Variants in DLC1 observed in about 807,000 individuals in gnomAD.
DLC1 encodes rho GTPase-activating protein 7.
Under a neutral mutation model 140.3 loss-of-function variants are expected in DLC1, and 54 were observed. That is an observed-to-expected ratio of 0.38 (90% confidence interval 0.31 to 0.48). The LOEUF is 0.48. DLC1 is among the 20% of genes least tolerant of loss of function. DLC1 has a pLI of 0.96. For synonymous variants in DLC1, 986 were observed against 728.1 expected, an observed-to-expected ratio of 1.35 and a Z score of -5.70; for missense variants, 2,536 against 1,907.0, an observed-to-expected ratio of 1.33 and a Z score of -6.14.
At chr8:13,544,138 A>G (rs905687311) in intron 1 of DLC1, among the ~76,000 whole-genome samples, 1 of 152,018 alleles carries the variant, frequency 6.6e-6, no homozygotes, top group Non-Finnish European at 1.5e-5. Flanking sequence ...TAAACAATGC[A>G]CATAAAATAA....
chr8:13,329,440 A>T (rs1406345), intron 4 of DLC1, among the ~76,000 whole-genome samples: 3 of 151,896 alleles, frequency 2.0e-5, no homozygotes, highest in Non-Finnish European at 2.9e-5. Flanking sequence ...AATGGAATCT[A>T]GTCATCCCCA....
intron 1 of DLC1, among the ~76,000 whole-genome samples, chr8:13,547,175 A>G (rs954508793): frequency 6.6e-6 from 1 of 152,116 alleles, no homozygotes. Flanking sequence ...TTGGGAAACA[A>G]TAGTATTTTC....
chr8:13,383,718 G>A (rs1836377277), intron 4 of DLC1, among the ~76,000 whole-genome samples: 1 of 152,148 alleles, frequency 6.6e-6, no homozygotes, highest in South Asian at 2.1e-4. Context: ...TTGCATCGGT[G>A]GAAGTCAGGT....
chr8:13,531,481 G>T (rs1286232045), intron 1 of DLC1, among the ~76,000 whole-genome samples: 7 of 152,116 alleles, frequency 4.6e-5, no homozygotes, highest in Admixed American at 4.6e-4. Context: ...AGTTACTCAG[G>T]TGGCTGAGGC....
chr8:13,415,560 C>A (rs983901044), intron 2 of DLC1, among the ~76,000 whole-genome samples: 7 of 151,906 alleles, frequency 4.6e-5, no homozygotes, highest in African/African-American at 1.5e-4. Flanking sequence ...CCACCACACC[C>A]GGCTAGTTTT....
chr8:13,414,970 C>T (rs1837981071), intron 2 of DLC1, among the ~76,000 whole-genome samples: 5 of 152,040 alleles, frequency 3.3e-5, no homozygotes, highest in Admixed American at 3.3e-4. Flanking sequence ...GCCACCATGC[C>T]TGGCTAATTT....
At position 13,204,058 on chromosome 8, in the gene DLC1, G is replaced by A. The variant is rs150031488; in HGVS notation, c.1349-88401C>T. On this transcript the variant is annotated intron_variant, in intron 5 of 17. Transcript: ENST00000276297. Reference sequence around the variant, plus strand: ...CTCACGGTGTGTGTTGTTGGGGTCGGAGGTGACTTTGAAGAAAGTCTTGAA... The same window carrying A: ...CTCACGGTGTGTGTTGTTGGGGTCGAAGGTGACTTTGAAGAAAGTCTTGAA... 1.8e-3 allele frequency among the ~76,000 whole-genome samples: 267 copies of A among 152,240 alleles called. 1 individual carries two copies. The highest frequency in any genetic ancestry group is 5.9e-3 in the African/African-American group (247 of 41,544).
chr8:13,403,867 C>T (rs1041417192), intron 2 of DLC1, among the ~76,000 whole-genome samples: 5 of 148,150 alleles, frequency 3.4e-5, no homozygotes, highest in African/African-American at 1.3e-4. Flanking sequence ...CCATGTTGCC[C>T]AGGCTGGTCT....
intron 6 of DLC1, among the ~76,000 whole-genome samples, chr8:13,115,326 A>G (rs956398795): frequency 6.6e-6 from 1 of 152,212 alleles, no homozygotes; most frequent in African/African-American, 2.4e-5. Flanking sequence ...ACAAAAAGAA[A>G]GCAAGAAAAT....
intron 1 of DLC1, among the ~76,000 whole-genome samples, chr8:13,570,230 C>T (rs1030679947): frequency 6.6e-6 from 1 of 152,050 alleles, no homozygotes; most frequent in East Asian, 1.9e-4. Flanking sequence ...CTCTACATTA[C>T]TTCCCTGAGC....
At chr8:13,320,459 A>T in intron 4 of DLC1, among the ~76,000 whole-genome samples, 1 of 152,208 alleles carries the variant, frequency 6.6e-6, no homozygotes, top group Non-Finnish European at 1.5e-5. Context: ...AAAAATAAAA[A>T]CATGAAAACA....
In DLC1 at chr8:13,099,969, C is replaced by A; in HGVS notation, c.2368G>T (p.Val790Leu). 2 of 1,612,690 alleles carry A rather than the reference C, an allele frequency of 1.2e-6. No individual in the cohort carries two copies. The highest frequency in any genetic ancestry group is 8.5e-7 in the Non-Finnish European group (1 of 1,180,028). Residue 790 changes from valine to leucine, a missense_variant, in exon 9 of 18, where the codon GTG becomes TTG. Val to Leu is a conservative substitution (Grantham distance 32). Transcript: ENST00000276297. ...CGGTTCTTAAAGTTCTGCTCCACCA[C>A]GTTGTTAAATGTTGACTGATTGAAA... Reference protein sequence around the residue: ...DPFNQSTFNNVVEQNFKNRES... With the variant: ...DPFNQSTFNNLVEQNFKNRES...
At chr8:13,501,727 G>C (rs921760579) in intron 1 of DLC1, among the ~76,000 whole-genome samples, 1 of 152,142 alleles carries the variant, frequency 6.6e-6, no homozygotes, top group Non-Finnish European at 1.5e-5. Flanking sequence ...GGTTCCCTCA[G>C]AGGTCTGTGG....
intron 2 of DLC1, among the ~76,000 whole-genome samples, chr8:13,488,418 C>T (rs900103929): frequency 1.2e-4 from 19 of 152,228 alleles, no homozygotes; most frequent in Admixed American, 2.0e-4. Flanking sequence ...TTTCAGGACT[C>T]ATTAGTATAT....
intron 4 of DLC1, among the ~76,000 whole-genome samples, chr8:13,365,586 C>T (rs1755577620): frequency 1.3e-5 from 2 of 152,152 alleles, no homozygotes; most frequent in Admixed American, 6.6e-5. Flanking sequence ...TTGGAGTCCA[C>T]CTTGCTTAAT....
chr8:13,577,065 T>C (rs981572270), intron 1 of DLC1, among the ~76,000 whole-genome samples: 4 of 152,164 alleles, frequency 2.6e-5, no homozygotes, highest in African/African-American at 9.7e-5. Flanking sequence ...GGTGGGACGA[T>C]GGCGTTAAGG....
intron 5 of DLC1, among the ~76,000 whole-genome samples, chr8:13,233,293 T>TAAAAAAAAAAAAAAAA (rs71207134): frequency 2.8e-5 from 2 of 70,388 alleles, no homozygotes; most frequent in African/African-American, 1.2e-4. Flanking sequence ...AGACTCTGTA[T>TAAAAAAAAAAAAAAAA]AAAAAAAAAA....
intron 1 of DLC1, among the ~76,000 whole-genome samples, chr8:13,525,143 C>A (rs1196272467): frequency 6.6e-6 from 1 of 152,138 alleles, no homozygotes; most frequent in Non-Finnish European, 1.5e-5. Flanking sequence ...TTTTGAGATC[C>A]ATCCATGTTG....
intron 2 of DLC1, among the ~76,000 whole-genome samples, chr8:13,482,560 A>G (rs1291298090): frequency 1.3e-5 from 2 of 152,212 alleles, no homozygotes; most frequent in African/African-American, 2.4e-5. Context: ...GTTTTCTATC[A>G]AGCAAAATAA....
Sources: allele counts gnomAD v4.1 joint callset (sites outside exome capture counted in the v4.1 genomes callset), GRCh38; gene constraint gnomAD v4.1.1; transcripts MANE v1.5; gene names NCBI Gene and HGNC (gene_info 2026-07-23, HGNC 2026-07-21).